Variants in ZCCHC14 observed in about 807,000 individuals in gnomAD.
ZCCHC14 encodes zinc finger CCHC domain-containing protein 14.
In ZCCHC14, 16 loss-of-function variants were observed where a neutral mutation model predicts 85.0. That is an observed-to-expected ratio of 0.19 (90% confidence interval 0.13 to 0.29). The LOEUF (loss-of-function observed/expected upper bound fraction) is 0.29, where lower values mean the gene tolerates loss of function less well. Among genes scored for constraint, ZCCHC14 ranks in the 10% least tolerant of loss-of-function variants. ZCCHC14 has a pLI of 1.00. For missense variants in ZCCHC14, 1,303 were observed against 1,443.5 expected (o/e 0.90, Z 1.58); for synonymous variants, 775 against 630.7 (o/e 1.23, Z -3.43).
At chr16:87,455,914 C>A (rs535253425) in intron 2 of ZCCHC14, among the ~76,000 whole-genome samples, 2 of 152,294 alleles carry the variant, frequency 1.3e-5, no homozygotes, top group African/African-American at 2.4e-5. Context: ...GCGTTCTGAG[C>A]ACATTTAAGG....
chr16:87,485,097 G>A (rs1444875507), intron 1 of ZCCHC14, among the ~76,000 whole-genome samples: 2 of 152,222 alleles, frequency 1.3e-5, no homozygotes, highest in East Asian at 3.9e-4. Flanking sequence ...AAGCTGCGTA[G>A]TGAATGGCGG....
chr16:87,435,588 C>G (rs1909882240), intron 2 of ZCCHC14, among the ~76,000 whole-genome samples: 1 of 152,244 alleles, frequency 6.6e-6, no homozygotes, highest in Admixed American at 6.5e-5. Context: ...TCGCTCGCTC[C>G]CCAGCGTGTG....
At chr16:87,488,734 C>T (rs1912622294) in intron 1 of ZCCHC14, among the ~76,000 whole-genome samples, 1 of 152,162 alleles carries the variant, frequency 6.6e-6, no homozygotes, top group African/African-American at 2.4e-5. Context: ...TGTGCCACCA[C>T]TCCTGGCTAA....
At chr16:87,419,283 C>T (rs1038208219) in intron 6 of ZCCHC14, among the ~76,000 whole-genome samples, 1 of 150,906 alleles carries the variant, frequency 6.6e-6, no homozygotes, top group African/African-American at 2.4e-5. Flanking sequence ...AGCCTGCCAC[C>T]ACGCCCGGCT....
At chr16:87,437,643 C>G (rs1909994738) in intron 2 of ZCCHC14, among the ~76,000 whole-genome samples, 1 of 152,236 alleles carries the variant, frequency 6.6e-6, no homozygotes, top group African/African-American at 2.4e-5. Flanking sequence ...GAAGTAAGAA[C>G]ACGAAGGATG....
chr16:87,466,265 T>C (rs1911515750), intron 1 of ZCCHC14, among the ~76,000 whole-genome samples: 1 of 152,204 alleles, frequency 6.6e-6, no homozygotes, highest in Admixed American at 6.5e-5. Context: ...TAGAAGAGAA[T>C]TAATTTCTAA....
rs530807601 is a variant in ZCCHC14, at chr16:87,423,484, C to A, written c.840+326G>T. On this transcript the variant is annotated intron_variant, in intron 4 of 12. Transcript: ENST00000671377. ...GCCACCTGAGCATGCCTCTCTCCCCCAGCCTTTGCCAAGGAAACCTGGGGG... is the reference window on the plus strand; with the variant it reads ...GCCACCTGAGCATGCCTCTCTCCCCAAGCCTTTGCCAAGGAAACCTGGGGG... Among the ~76,000 whole-genome samples the A allele has an allele frequency of 3.3e-4, 50 of 152,356 alleles. 1 individual carries two copies. Among genetic ancestry groups the A allele is most frequent in the Admixed American group, 2.0e-3 (31 of 15,308 alleles).
At chr16:87,456,532 C>CAAA (rs1567531853) in intron 2 of ZCCHC14, among the ~76,000 whole-genome samples, 99 of 7,806 alleles carry the variant, frequency 0.013, 2 homozygotes, top group African/African-American at 0.015. Flanking sequence ...GACTCTGTCT[C>CAAA]CAAAAAAAAA....
chr16:87,416,686 G>A (rs893913568), intron 8 of ZCCHC14, among the ~76,000 whole-genome samples: 2 of 152,084 alleles, frequency 1.3e-5, no homozygotes, highest in African/African-American at 4.8e-5. Flanking sequence ...AACCCGGGAG[G>A]CAGAGGTTGC....
chr16:87,472,707 A>C (rs1026411648), intron 1 of ZCCHC14: 1 of 152,214 alleles, frequency 6.6e-6, no homozygotes, highest in East Asian at 1.9e-4. Flanking sequence ...GGCCACCATG[A>C]TGGTTCCTTC....
chr16:87,435,517 C>T (rs541168977), intron 2 of ZCCHC14, among the ~76,000 whole-genome samples: 15 of 152,232 alleles, frequency 9.9e-5, no homozygotes, highest in Non-Finnish European at 1.5e-4. Context: ...CTGGAGCCAA[C>T]GACACTGACT....
rs772819518 is a variant in ZCCHC14 at position 87,413,074 on chromosome 16, G to A, written c.1725C>T (p.Ser575=). 49 of 1,614,008 alleles carry A rather than the reference G, an allele frequency of 3.0e-5. No individual in the cohort carries two copies. Among genetic ancestry groups the A allele is most frequent in the Non-Finnish European group, 3.1e-5 (36 of 1,180,030 alleles). Residue 575 remains serine, a synonymous_variant, in exon 11 of 13, where the codon AGC becomes AGT. Coordinates refer to ENST00000671377, the MANE Select transcript of ZCCHC14 (RefSeq NM_015144.3). ...CCTTACGTCTGTCATTCTCCTCAGC[G>A]CTGTCGGAGCTCTCTTCCCGGGCCT... ...GVQAREESSD[S]AEENDRRVEI...
chr16:87,487,650 T>TA (rs1159031536), intron 1 of ZCCHC14, among the ~76,000 whole-genome samples: 1 of 152,246 alleles, frequency 6.6e-6, no homozygotes, highest in Non-Finnish European at 1.5e-5. Context: ...CGCTAAGTGT[T>TA]AGGCACAGTG....
chr16:87,415,487 C>G (rs577724394), intron 8 of ZCCHC14, 120 bp from the exon 9 acceptor site: 2 of 804,162 alleles, frequency 2.5e-6, no homozygotes, highest in African/African-American at 1.7e-5. Context: ...ACAGATCCAG[C>G]TGAACTCAGC....
intron 4 of ZCCHC14, among the ~76,000 whole-genome samples, chr16:87,423,209 C>G (rs1909195132): frequency 6.6e-6 from 1 of 152,132 alleles, no homozygotes; most frequent in African/African-American, 2.4e-5. Flanking sequence ...CACACGGAGG[C>G]AAAGAGGCAT....
chr16:87,416,865 G>A lies in ZCCHC14; in HGVS notation c.1383+595C>T, dbSNP rs573038730. 2.1e-4 allele frequency among the ~76,000 whole-genome samples: 32 copies of A among 152,304 alleles called. No homozygotes were observed. In the Middle Eastern group the frequency reaches 0.01, roughly 49 times the overall value. On this transcript the variant is annotated intron_variant, in intron 8 of 12. Transcript: ENST00000671377. ...AGCTTGATTTCTAGGTTCAATTGTA[G>A]ATTTTTCGAGAAATGAAATTTTTAC...
chr16:87,480,644 C>T (rs1912226003), intron 1 of ZCCHC14, among the ~76,000 whole-genome samples: 1 of 152,132 alleles, frequency 6.6e-6, no homozygotes. Context: ...CACCTCCTGC[C>T]CCTGGGTTTA....
intron 1 of ZCCHC14, among the ~76,000 whole-genome samples, chr16:87,468,662 C>T (rs1911640312): frequency 6.6e-6 from 1 of 152,184 alleles, no homozygotes; most frequent in Non-Finnish European, 1.5e-5. Flanking sequence ...ATTCCCTAAC[C>T]TAGTGGTTCT....
intron 2 of ZCCHC14, among the ~76,000 whole-genome samples, chr16:87,453,875 G>C (rs1040163654): frequency 9.2e-5 from 14 of 152,230 alleles, no homozygotes; most frequent in Admixed American, 1.3e-4. Context: ...ACCAGGATTT[G>C]AAAGCAGCTA....
Sources: gnomAD v4.1 joint callset for allele counts (sites outside exome capture counted in the v4.1 genomes callset) on GRCh38, gnomAD v4.1.1 for gene constraint, MANE v1.5 for transcripts, NCBI Gene and HGNC (gene_info 2026-07-23, HGNC 2026-07-21) for gene names.